The following TMEM87B variants were observed in gnomAD, a reference collection of about 807,000 sequenced individuals.
The protein encoded by TMEM87B is transmembrane protein 87B.
TMEM87B carries 83 observed loss-of-function variants against 80.3 expected under a neutral mutation model. The ratio of observed to expected loss-of-function variants is 1.03; its 90% CI spans 0.87 to 1.24. The LOEUF is 1.24. Ranked by LOEUF, TMEM87B falls within the 50% of genes most tolerant of loss-of-function variation. The pLI is 0.00. For synonymous variants in TMEM87B, 219 were observed against 230.5 expected (o/e 0.95, Z 0.45); for missense variants, 625 against 674.4 (o/e 0.93, Z 0.81).
chr2:112,110,458 A>AT (rs1679880388), intron 17 of TMEM87B, among the ~76,000 whole-genome samples: 2 of 152,084 alleles, frequency 1.3e-5, no homozygotes, highest in Admixed American at 1.3e-4. Context: ...TATTGTATTT[A>AT]ATTTGGAGTA....
Position 112,080,752 on chromosome 2 carries a change from A to G in TMEM87B, c.593-305A>G, listed in dbSNP as rs190703545. ...TATATTGATGTAATCCCATTTGTCT[A>G]TTTTTGCTTTTGTTGCCCGTGCTTT... is the stretch of plus-strand genomic sequence containing the variant. On this transcript the variant is annotated intron_variant, in intron 6 of 18. Coordinates refer to ENST00000283206, the MANE Select transcript of TMEM87B (RefSeq NM_032824.3). Among the ~76,000 whole-genome samples, 71 of 152,122 alleles carry G rather than the reference A, an allele frequency of 4.7e-4. 1 individual carries two copies. In the Middle Eastern group the frequency reaches 0.01, roughly 22 times the overall value.
chr2:112,055,300 G>T lies in TMEM87B; in HGVS notation c.-292G>T, dbSNP rs954112436. The T allele has an allele frequency of 2.2e-6, 1 of 449,942 alleles. No individual in the cohort carries two copies. Among genetic ancestry groups the T allele is most frequent in the East Asian group, 3.9e-5 (1 of 25,500 alleles). The allele number at this position is 449,942 out of a possible 1,614,324, so 27.9% of individuals were successfully genotyped here. On this transcript the variant is annotated 5_prime_UTR_variant, in exon 1 of 19. Transcript: ENST00000283206. ...ACGCCCACGCTAGGCCCTGAGCCCA[G>T]CCTCCACGTCTCGCCGCCAACTCCA...
chr2:112,100,171 A>C (rs1339742577), intron 14 of TMEM87B, among the ~76,000 whole-genome samples: 1 of 152,194 alleles, frequency 6.6e-6, no homozygotes, highest in East Asian at 1.9e-4. Flanking sequence ...CCCTCCAGAA[A>C]GGTTGTCTTG....
chr2:112,067,585 C>T (rs938002492), intron 4 of TMEM87B, among the ~76,000 whole-genome samples: 11 of 152,076 alleles, frequency 7.2e-5, no homozygotes, highest in African/African-American at 2.4e-4. Flanking sequence ...GGCGACAGAG[C>T]GAGACTCCGT....
chr2:112,097,022 G>T, intron 11 of TMEM87B, 22 bp from the exon 12 acceptor site: 3 of 1,441,606 alleles, frequency 2.1e-6, no homozygotes, highest in East Asian at 2.3e-5. Flanking sequence ...TACTTGGAAT[G>T]TTTTTCCTTA....
rs1047215627 is a variant in TMEM87B at position 112,091,878 on chromosome 2, C to T, written c.1104+95C>T. 1.1e-5 allele frequency: 11 copies of T among 989,702 alleles called. No homozygotes were observed. In the African/African-American group the frequency reaches 1.8e-4, roughly 16 times the overall value. 61.3% of individuals were successfully genotyped at this position (989,702 alleles called of 1,614,324 possible). A position where few individuals can be genotyped will look rare whatever the true frequency, so the allele number is the denominator to read the frequency against. ...AACAATAGAAAGAAATACAGTTATG[C>T]ATTTTTGTTACCTTAATACGAGGGT... On this transcript the variant is annotated intron_variant, in intron 11 of 18. Transcript: ENST00000283206.
intron 1 of TMEM87B, among the ~76,000 whole-genome samples, chr2:112,057,242 T>C (rs1678103015): frequency 6.6e-6 from 1 of 152,194 alleles, no homozygotes; most frequent in Non-Finnish European, 1.5e-5. Flanking sequence ...TTTCTTTCAT[T>C]TGTACTGCAA....
intron 15 of TMEM87B, among the ~76,000 whole-genome samples, chr2:112,105,069 G>A (rs1390299707): frequency 2.0e-5 from 3 of 152,014 alleles, no homozygotes; most frequent in Admixed American, 6.6e-5. Context: ...GATTGGCATG[G>A]CAGTTACTCA....
In TMEM87B at chr2:112,107,953, T is replaced by G. The variant is rs565621350; in HGVS notation, c.1577+113T>G. ...AACCTCGTACTTGCATGTACTTGGGTAAGCCCCTATCACCAGTACATGGCC... is the reference window on the plus strand; with the variant it reads ...AACCTCGTACTTGCATGTACTTGGGGAAGCCCCTATCACCAGTACATGGCC... On this transcript the variant is annotated intron_variant, in intron 17 of 18. Coordinates refer to ENST00000283206, the MANE Select transcript of TMEM87B (RefSeq NM_032824.3). 388 of 577,552 alleles carry G rather than the reference T, an allele frequency of 6.7e-4. 4 individuals carry two copies. Among genetic ancestry groups the G allele is most frequent in the African/African-American group, 5.1e-3 (268 of 53,022 alleles). The allele number at this position is 577,552 out of a possible 1,614,324, so 35.8% of individuals were successfully genotyped here. A position where few individuals can be genotyped will look rare whatever the true frequency, so the allele number is the denominator to read the frequency against.
chr2:112,089,386 G>A (rs1160287730), intron 9 of TMEM87B, among the ~76,000 whole-genome samples: 1 of 152,142 alleles, frequency 6.6e-6, no homozygotes, highest in Admixed American at 6.5e-5. Flanking sequence ...AAATCCTCTG[G>A]CACCTTTGTG....
At chr2:112,102,693 CATAA>C (rs559251066) in intron 15 of TMEM87B, among the ~76,000 whole-genome samples, 7 of 150,492 alleles carry the variant, frequency 4.7e-5, no homozygotes, top group African/African-American at 1.2e-4. Flanking sequence ...GTCTCAAAAA[CATAA>C]ATAAATAAAT....
At chr2:112,086,975 A>G (rs904715890) in intron 9 of TMEM87B, among the ~76,000 whole-genome samples, 3 of 151,960 alleles carry the variant, frequency 2.0e-5, no homozygotes, top group African/African-American at 7.3e-5. Flanking sequence ...CCACTTTTCA[A>G]CTGTCAACCT....
intron 6 of TMEM87B, among the ~76,000 whole-genome samples, chr2:112,077,572 CAT>C (rs1678863449): frequency 6.6e-6 from 1 of 152,052 alleles, no homozygotes; most frequent in South Asian, 2.1e-4. Flanking sequence ...ATTTTTTTAA[CAT>C]GTAGAAATGT....
chr2:112,077,345 G>C (rs1380855838), intron 6 of TMEM87B, 63 bp downstream of exon 6: 13 of 809,738 alleles, frequency 1.6e-5, no homozygotes, highest in Middle Eastern at 2.4e-4. Context: ...TTTTGTCACT[G>C]ACCTGAGTCA....
rs1678457431 is a variant in TMEM87B, at chr2:112,067,055, T to C, written c.438T>C (p.Phe146=). 1 of 1,610,816 alleles carries C rather than the reference T, an allele frequency of 6.2e-7. No individual in the cohort carries two copies. Among genetic ancestry groups the C allele is most frequent in the Non-Finnish European group, 8.5e-7 (1 of 1,179,106 alleles). Reference sequence around the variant, plus strand: ...ATTGCAACAGTGATTCACAGGTGTTTCCCTCTTTGAATGTGAGTATCTGAC... The same window carrying C: ...ATTGCAACAGTGATTCACAGGTGTTCCCCTCTTTGAATGTGAGTATCTGAC... ...NLDCNSDSQV[F]PSLNNKELIN... Residue 146 remains phenylalanine (F), a synonymous_variant, in exon 4 of 19, where the codon TTT becomes TTC. Coordinates refer to ENST00000283206, the MANE Select transcript of TMEM87B (RefSeq NM_032824.3).
chr2:112,116,198 C>A lies in TMEM87B; in HGVS notation c.*55C>A. The A allele has an allele frequency of 6.8e-7, 1 of 1,474,004 alleles. No homozygotes were observed. The highest frequency in any genetic ancestry group is 9.3e-7 in the Non-Finnish European group (1 of 1,073,630). 91.3% of individuals were successfully genotyped at this position (1,474,004 alleles called of 1,614,324 possible). A position where few individuals can be genotyped will look rare whatever the true frequency, so the allele number is the denominator to read the frequency against. On this transcript the variant is annotated 3_prime_UTR_variant, in exon 19 of 19. Coordinates refer to ENST00000283206, the MANE Select transcript of TMEM87B (RefSeq NM_032824.3). ...CCTGAAGGACTATCCTTCATCAAGA[C>A]TGAAAGTGAGCTTTGATTTGATATT... is the stretch of plus-strand genomic sequence containing the variant.
In TMEM87B at chr2:112,118,012, C is replaced by T. The variant is rs1180609185; in HGVS notation, c.*1869C>T. 1.3e-5 allele frequency: 2 copies of T among 150,906 alleles called. No homozygotes were observed. The highest frequency in any genetic ancestry group is 6.6e-5 in the Admixed American group (1 of 15,238). 9.3% of individuals were successfully genotyped at this position (150,906 alleles called of 1,614,324 possible). A position where few individuals can be genotyped will look rare whatever the true frequency, so the allele number is the denominator to read the frequency against. On this transcript the variant is annotated 3_prime_UTR_variant, in exon 19 of 19. Coordinates refer to ENST00000283206, the MANE Select transcript of TMEM87B (RefSeq NM_032824.3). ...ATGTTTACCAAAACATGTCTTTCTA[C>T]AGCTGGTAGGATAAATGATGCTACC...
chr2:112,110,732 G>GC lies in TMEM87B; in HGVS notation c.1578-2159dup, dbSNP rs202018109. Among the ~76,000 whole-genome samples, 880 of 151,010 alleles carry GC rather than the reference G, an allele frequency of 5.8e-3. 8 individuals carry two copies. Among genetic ancestry groups the GC allele is most frequent in the African/African-American group, 0.018 (737 of 41,080 alleles). On this transcript the variant is annotated intron_variant, in intron 17 of 18. Transcript: ENST00000283206. ...TTATTTCTGCAGACCTTCTCCCACC[G>GC]CCCCCCCCAACTTTTTACTGTCTTC...
chr2:112,085,990 T>G lies in TMEM87B; in HGVS notation c.839-15T>G, dbSNP rs965426579. ...GTGTAGACAAAGTGAATTATTTTAT[T>G]TTTTTCTTCCTCAGCCCAAGGCTTA... On this transcript the variant is annotated splice_polypyrimidine_tract_variant and intron_variant, in intron 8 of 18. Transcript: ENST00000283206. The G allele has an allele frequency of 1.3e-6, 2 of 1,589,364 alleles. No individual in the cohort carries two copies. The highest frequency in any genetic ancestry group is 1.7e-6 in the Non-Finnish European group (2 of 1,168,310).
Sources: allele counts gnomAD v4.1 joint callset (sites outside exome capture counted in the v4.1 genomes callset), GRCh38; gene constraint gnomAD v4.1.1; transcripts MANE v1.5; gene names NCBI Gene and HGNC (gene_info 2026-07-23, HGNC 2026-07-21).